PEX14: variants seen among roughly 807,000 people sequenced by gnomAD.
PEX14 encodes peroxisomal membrane protein PEX14.
In PEX14, 15 loss-of-function variants were observed where a neutral mutation model predicts 49.5. That is an observed-to-expected ratio of 0.30 (90% CI 0.20 to 0.47). The LOEUF (loss-of-function observed/expected upper bound fraction) is 0.47. Among genes scored for constraint, PEX14 ranks in the 20% least tolerant of loss-of-function variants. The pLI is 1.00. For synonymous variants in PEX14, 210 were observed against 212.7 expected (o/e 0.99, Z 0.11); for missense variants, 398 against 494.8 (o/e 0.80, Z 1.86).
chr1:10,623,879 G>A lies in PEX14; in HGVS notation c.488-461G>A, dbSNP rs576057726. Among the ~76,000 whole-genome samples the A allele has an allele frequency of 6.6e-6, 1 of 152,338 alleles. No individual in the cohort carries two copies. Among genetic ancestry groups the A allele is most frequent in the Admixed American group, 6.5e-5 (1 of 15,308 alleles). On this transcript the variant is annotated intron_variant, in intron 6 of 8. Transcript: ENST00000356607. The surrounding 1 kb of genome is among the most constrained non-coding windows in gnomAD (Gnocchi z 4.4). ...GAGCAGGCAGCTTGGGTCAGGTGGG[G>A]AGGGTGGGAAGGAGCAGTGGGAAAC...
chr1:10,510,088 T>C (rs1039205365), intron 2 of PEX14, among the ~76,000 whole-genome samples: 1 of 152,188 alleles, frequency 6.6e-6, no homozygotes, highest in Non-Finnish European at 1.5e-5. Flanking sequence ...ATGTGAGTTA[T>C]TCTCTACCTG....
chr1:10,490,796 G>A (rs1453688306), intron 1 of PEX14, among the ~76,000 whole-genome samples: 1 of 150,770 alleles, frequency 6.6e-6, no homozygotes, highest in Non-Finnish European at 1.5e-5. Flanking sequence ...CAACCTCCTG[G>A]GCTCAGTTGA....
chr1:10,523,359 T>G (rs1440084461), intron 2 of PEX14, among the ~76,000 whole-genome samples: 1 of 152,214 alleles, frequency 6.6e-6, no homozygotes, highest in Non-Finnish European at 1.5e-5. Flanking sequence ...TGTCTCCTCC[T>G]TCTCTGTTGG....
At chr1:10,538,458 G>GAGGT (rs993829492) in intron 3 of PEX14, among the ~76,000 whole-genome samples, 4 of 152,212 alleles carry the variant, frequency 2.6e-5, no homozygotes, top group African/African-American at 7.2e-5. Context: ...TGGAATCTCT[G>GAGGT]AGGTTAATCA....
intron 2 of PEX14, chr1:10,517,254 T>C (rs894841168): frequency 1.3e-5 from 2 of 152,220 alleles, no homozygotes; most frequent in African/African-American, 2.4e-5. Context: ...AACTGCACAA[T>C]TGGCTTGTGC....
At chr1:10,498,794 A>G (rs1248375279) in intron 2 of PEX14, among the ~76,000 whole-genome samples, 1 of 152,220 alleles carries the variant, frequency 6.6e-6, no homozygotes, top group Admixed American at 6.5e-5. Flanking sequence ...CAAAGTTAAA[A>G]TGGCTGGTTA....
intron 3 of PEX14, among the ~76,000 whole-genome samples, chr1:10,592,424 A>G (rs1361107704): frequency 5.9e-5 from 9 of 152,190 alleles, no homozygotes; most frequent in Admixed American, 5.9e-4. Flanking sequence ...AGAAAAAAAA[A>G]ACCTTTAGAT....
intron 3 of PEX14, among the ~76,000 whole-genome samples, chr1:10,584,681 A>G (rs1284375170): frequency 6.6e-6 from 1 of 152,222 alleles, no homozygotes. Context: ...TAAATCAGAA[A>G]TTATTTCATA....
chr1:10,621,148 A>G (rs538986582), intron 5 of PEX14, among the ~76,000 whole-genome samples: 9 of 151,978 alleles, frequency 5.9e-5, no homozygotes, highest in Non-Finnish European at 1.3e-4. Context: ...TCACAATGGT[A>G]ACAAGAGAAT....
intron 1 of PEX14, among the ~76,000 whole-genome samples, chr1:10,485,085 C>G (rs1381013730): frequency 6.6e-6 from 1 of 151,580 alleles, no homozygotes; most frequent in African/African-American, 2.4e-5. Flanking sequence ...GAGTCTGTTC[C>G]CCACAGGATT....
Position 10,495,708 on chromosome 1 carries a change from T to C in PEX14, c.84+387T>C, listed in dbSNP as rs151096354. 2.6e-3 allele frequency among the ~76,000 whole-genome samples: 394 copies of C among 152,224 alleles called. 1 individual carries two copies. Among genetic ancestry groups the C allele is most frequent in the African/African-American group, 8.9e-3 (369 of 41,536 alleles). On this transcript the variant is annotated intron_variant, in intron 2 of 8. Transcript: ENST00000356607. This position sits in a 1 kb window ranked among gnomAD's most constrained non-coding sequence, Gnocchi z 4.2. ...CCTCAGGGTGCGAGCGCCTCAGTGG[T>C]CTTTAAAGAACAGGTAAGCGATGGA... is the stretch of plus-strand genomic sequence containing the variant.
At chr1:10,558,303 C>T (rs773674621) in intron 3 of PEX14, among the ~76,000 whole-genome samples, 7 of 152,080 alleles carry the variant, frequency 4.6e-5, no homozygotes, top group Non-Finnish European at 5.9e-5. Flanking sequence ...CCACCGTGCC[C>T]GGCCTGCTTG....
intron 2 of PEX14, among the ~76,000 whole-genome samples, chr1:10,503,436 A>G (rs1570165051): frequency 1.3e-5 from 2 of 150,054 alleles, no homozygotes; most frequent in East Asian, 4.1e-4. Flanking sequence ...GAGTTTGCTA[A>G]TCTTAGAGCT....
At position 10,613,161 on chromosome 1, in the gene PEX14, C is replaced by T. The variant is rs1570350990; in HGVS notation, c.299-5171C>T. Among the ~76,000 whole-genome samples, 1 of 152,120 alleles carries T rather than the reference C, an allele frequency of 6.6e-6. No individual in the cohort carries two copies. The highest frequency in any genetic ancestry group is 2.1e-4 in the South Asian group (1 of 4,818). On this transcript the variant is annotated intron_variant, in intron 4 of 8. Coordinates refer to ENST00000356607, the MANE Select transcript of PEX14 (RefSeq NM_004565.3). This position sits in a 1 kb window ranked among gnomAD's most constrained non-coding sequence, Gnocchi z 5.0. ...AGCAAGGTTTCAGGCTCAACATTGC[C>T]GTGTTGTATGCACAAGTCCTAGTCC...
intron 4 of PEX14, among the ~76,000 whole-genome samples, chr1:10,607,311 G>T (rs948556534): frequency 6.4e-4 from 98 of 152,236 alleles, no homozygotes; most frequent in African/African-American, 2.2e-3. Flanking sequence ...ATGGACTTTG[G>T]GTTGTTTCCA....
rs1430450921 is a variant in PEX14, at chr1:10,475,013, T to C, written c.36+11T>C. ...GAGCAGCCGAGCCAGGTAAGGGGAG[T>C]GGGACTGCCCCGCTGTGCGGCGGAG... On this transcript the variant is annotated intron_variant, in intron 1 of 8. Transcript: ENST00000356607. The C allele has an allele frequency of 6.2e-7, 1 of 1,607,840 alleles. No homozygotes were observed. Among genetic ancestry groups the C allele is most frequent in the Admixed American group, 1.7e-5 (1 of 59,218 alleles).
At chr1:10,616,096 A>G (rs1486121121) in intron 4 of PEX14, among the ~76,000 whole-genome samples, 1 of 152,154 alleles carries the variant, frequency 6.6e-6, no homozygotes, top group African/African-American at 2.4e-5. Flanking sequence ...ATCCGCAGGC[A>G]GGGAGGGAGT....
intron 8 of PEX14, 86 bp downstream of exon 8, chr1:10,627,449 C>A: frequency 1.1e-6 from 1 of 919,860 alleles, no homozygotes; most frequent in Non-Finnish European, 1.8e-6. Flanking sequence ...GCATGACGCC[C>A]ACCCCCACCC....
At chr1:10,485,457 A>G (rs2124379937) in intron 1 of PEX14, among the ~76,000 whole-genome samples, 1 of 150,972 alleles carries the variant, frequency 6.6e-6, no homozygotes, top group African/African-American at 2.5e-5. Flanking sequence ...GCTAAGACTC[A>G]GGTGCATGCC....
Sources: gnomAD v4.1 joint callset for allele counts (sites outside exome capture counted in the v4.1 genomes callset) on GRCh38, gnomAD v4.1.1 for gene constraint, Gnocchi (gnomAD v3.1) non-coding constraint, MANE v1.5 for transcripts, NCBI Gene and HGNC (gene_info 2026-07-23, HGNC 2026-07-21) for gene names.